The following CCDC141 variants were observed in gnomAD, a reference collection of about 807,000 sequenced individuals.
CCDC141 encodes the protein coiled-coil domain containing 141, also known as coiled-coil domain-containing protein 141.
In CCDC141, 168 loss-of-function variants were observed where a neutral mutation model predicts 181.0. The ratio of observed to expected loss-of-function variants is 0.93; its 90% CI spans 0.82 to 1.05. The LOEUF (loss-of-function observed/expected upper bound fraction) is 1.05. CCDC141 is among the 50% of genes least tolerant of loss of function. CCDC141 has a pLI of 0.00. For missense variants in CCDC141, 1,902 were observed against 1,788.5 expected (o/e 1.06, Z -1.14); for synonymous variants, 666 against 642.3 (o/e 1.04, Z -0.56).
At chr2:178,966,718 C>T (rs1186222304) in intron 4 of CCDC141, among the ~76,000 whole-genome samples, 5 of 151,984 alleles carry the variant, frequency 3.3e-5, no homozygotes, top group African/African-American at 1.2e-4. Flanking sequence ...AAACTCCTCA[C>T]CAGCAAGGGA....
At chr2:178,980,391 A>T (rs553089561) in intron 2 of CCDC141, among the ~76,000 whole-genome samples, 3 of 152,278 alleles carry the variant, frequency 2.0e-5, no homozygotes, top group Non-Finnish European at 4.4e-5. Context: ...TGGAGCTTGC[A>T]GTGAGCTGAG....
intron 2 of CCDC141, among the ~76,000 whole-genome samples, chr2:179,037,611 T>G (rs1337515330): frequency 6.6e-6 from 1 of 152,192 alleles, no homozygotes; most frequent in Non-Finnish European, 1.5e-5. Flanking sequence ...GATAAGGCAT[T>G]AATATCTAAA....
chr2:179,037,934 G>A (rs904562113), intron 2 of CCDC141, among the ~76,000 whole-genome samples: 6 of 152,248 alleles, frequency 3.9e-5, no homozygotes, highest in East Asian at 1.9e-4. Context: ...CAGTTGCTGC[G>A]GAAAATATTT....
At chr2:179,000,958 T>C (rs1465226239) in intron 2 of CCDC141, among the ~76,000 whole-genome samples, 1 of 152,142 alleles carries the variant, frequency 6.6e-6, no homozygotes, top group Non-Finnish European at 1.5e-5. Flanking sequence ...ATGCAGTGTG[T>C]AACATAGAAA....
intron 23 of CCDC141, chr2:178,836,132 G>T (rs887802021): frequency 3.3e-5 from 5 of 152,508 alleles, no homozygotes; most frequent in Non-Finnish European, 7.4e-5. Flanking sequence ...TTAAGGATGA[G>T]AATTTTCTAA....
Position 179,050,013 on chromosome 2 carries a change from G to A in CCDC141, c.-72C>T, listed in dbSNP as rs1193917501. ...TGTGTGTCTGCTGGTCATTTCAGAAGGCCAGGGTTACTTGGATTCATTCAG... is the reference window on the plus strand; with the variant it reads ...TGTGTGTCTGCTGGTCATTTCAGAAAGCCAGGGTTACTTGGATTCATTCAG... On this transcript the variant is annotated 5_prime_UTR_variant, in exon 1 of 24. Transcript: ENST00000443758. 11 of 1,543,412 alleles carry A rather than the reference G, an allele frequency of 7.1e-6. No homozygotes were observed. Among genetic ancestry groups the A allele is most frequent in the Non-Finnish European group, 9.6e-6 (11 of 1,143,140 alleles).
intron 2 of CCDC141, among the ~76,000 whole-genome samples, chr2:179,015,374 T>TACATATCTC (rs1280024321): frequency 0.066 from 8,226 of 124,208 alleles, 650 homozygotes; most frequent in Admixed American, 0.15. Context: ...ATATGTATCA[T>TACATATCTC]ATATATCTCA....
At chr2:179,035,570 T>G (rs558434923) in intron 2 of CCDC141, among the ~76,000 whole-genome samples, 202 of 152,284 alleles carry the variant, frequency 1.3e-3, no homozygotes, top group Non-Finnish European at 2.1e-3. Flanking sequence ...GAGGCTCAAC[T>G]GGGACTGGAG....
At chr2:179,015,616 C>T (rs1005163043) in intron 2 of CCDC141, among the ~76,000 whole-genome samples, 1 of 26,916 alleles carries the variant, frequency 3.7e-5, no homozygotes, top group Non-Finnish European at 8.4e-5. Context: ...TCTCATATAG[C>T]TCATATATAT....
downstream of CCDC141, among the ~76,000 whole-genome samples, chr2:178,828,643 T>G (rs1332912538): frequency 2.6e-5 from 4 of 152,206 alleles, no homozygotes; most frequent in Non-Finnish European, 5.9e-5. Context: ...TTCCCCTTTC[T>G]GACCCTGCCA....
At chr2:178,994,644 C>T (rs1223572141) in intron 2 of CCDC141, among the ~76,000 whole-genome samples, 10 of 152,208 alleles carry the variant, frequency 6.6e-5, no homozygotes. Flanking sequence ...CAACTTGAAT[C>T]TCTTCTCAGA....
chr2:178,849,303 G>C (rs192739243), intron 21 of CCDC141, among the ~76,000 whole-genome samples: 2 of 152,156 alleles, frequency 1.3e-5, no homozygotes, highest in African/African-American at 4.8e-5. Context: ...CAGGAAACAG[G>C]CTCAGGGAGA....
At chr2:179,013,539 C>G (rs148365700) in intron 2 of CCDC141, among the ~76,000 whole-genome samples, 12 of 152,186 alleles carry the variant, frequency 7.9e-5, no homozygotes, top group African/African-American at 2.4e-4. Flanking sequence ...ATCATACTGT[C>G]AAAAGAAGTC....
rs1276184642 is a variant in CCDC141 at position 179,015,640 on chromosome 2, CAT to C, written c.225+31642_225+31643del. Reference sequence around the variant, plus strand: ...GCTCATATATATCTCACATATATCTCATATATATCTCATACATATATCTCATA... The same window carrying C: ...GCTCATATATATCTCACATATATCTCATATATCTCATACATATATCTCATA... On this transcript the variant is annotated intron_variant, in intron 2 of 23. Transcript: ENST00000443758. 3.7e-5 allele frequency among the ~76,000 whole-genome samples: 5 copies of C among 133,764 alleles called. No homozygotes were observed. In the East Asian group the frequency reaches 6.5e-4, roughly 17 times the overall value. 87.8% of individuals were successfully genotyped at this position (133,764 alleles called of 152,430 possible). A position where few individuals can be genotyped will look rare whatever the true frequency, so the allele number is the denominator to read the frequency against.
At chr2:179,048,102 C>T (rs947091959) in intron 1 of CCDC141, among the ~76,000 whole-genome samples, 4 of 152,298 alleles carry the variant, frequency 2.6e-5, no homozygotes, top group African/African-American at 9.6e-5. Flanking sequence ...TTTGTCATTG[C>T]ATTTCCTGAG....
intron 2 of CCDC141, among the ~76,000 whole-genome samples, chr2:179,033,644 T>A (rs1575372986): frequency 6.6e-6 from 1 of 152,196 alleles, no homozygotes; most frequent in African/African-American, 2.4e-5. Flanking sequence ...CTGTCAGAGT[T>A]TTGTCCTGTC....
intron 5 of CCDC141, among the ~76,000 whole-genome samples, chr2:178,950,315 GT>G (rs1310823510): frequency 2.0e-5 from 3 of 152,088 alleles, no homozygotes; most frequent in Non-Finnish European, 4.4e-5. Context: ...TTGAAGGCAT[GT>G]TTCCATAGGG....
At chr2:179,024,004 AAC>A (rs2042760762) in intron 2 of CCDC141, among the ~76,000 whole-genome samples, 2 of 152,242 alleles carry the variant, frequency 1.3e-5, no homozygotes, top group Admixed American at 1.3e-4. Context: ...ACTCGGAGGA[AAC>A]ACAGTAGAGA....
At chr2:178,959,830 G>A (rs780236005) in intron 5 of CCDC141, among the ~76,000 whole-genome samples, 15 of 152,294 alleles carry the variant, frequency 9.8e-5, no homozygotes, top group Admixed American at 3.9e-4. Flanking sequence ...CCACTTCCTC[G>A]GAGAGGCTTC....
Sources: gnomAD v4.1 joint callset for allele counts (sites outside exome capture counted in the v4.1 genomes callset) on GRCh38, gnomAD v4.1.1 for gene constraint, MANE v1.5 for transcripts, NCBI Gene and HGNC (gene_info 2026-07-23, HGNC 2026-07-21) for gene names.